SLMAP: variants seen among roughly 807,000 people sequenced by gnomAD.
The protein encoded by SLMAP is sarcolemma associated protein, also known as sarcolemmal membrane-associated protein.
Under a neutral mutation model 128.8 loss-of-function variants are expected in SLMAP, and 44 were observed. The observed-to-expected ratio is 0.34, with a 90% CI of 0.27 to 0.44. The LOEUF is 0.44. Among genes scored for constraint, SLMAP ranks in the 20% least tolerant of loss-of-function variants. SLMAP has a pLI of 1.00. For synonymous variants in SLMAP, 327 were observed against 348.8 expected (o/e 0.94, Z 0.70); for missense variants, 787 against 985.3 (o/e 0.80, Z 2.69).
intron 2 of SLMAP, among the ~76,000 whole-genome samples, chr3:57,794,899 G>A (rs1331899920): frequency 6.6e-6 from 1 of 152,148 alleles, no homozygotes; most frequent in Non-Finnish European, 1.5e-5. Context: ...TTGTGTACAA[G>A]CTTTTGTGTG....
chr3:57,808,286 T>C lies in SLMAP; in HGVS notation c.199-23097T>C, dbSNP rs1268993483. 2.0e-5 allele frequency among the ~76,000 whole-genome samples: 3 copies of C among 152,166 alleles called. No individual in the cohort carries two copies. In the East Asian group the frequency reaches 5.8e-4, roughly 29 times the overall value. The stretch of plus-strand genomic sequence containing the variant: ...GTTCTGCTCTCATCTTAGTTATTTC[T>C]TGTCTTTTGCTAGCTTTTGGATTTG... On this transcript the variant is annotated intron_variant, in intron 2 of 24. Coordinates refer to ENST00000671191, the MANE Select transcript of SLMAP (RefSeq NM_001377540.1).
At chr3:57,818,229 C>T (rs2092115017) in intron 2 of SLMAP, among the ~76,000 whole-genome samples, 1 of 152,142 alleles carries the variant, frequency 6.6e-6, no homozygotes, top group African/African-American at 2.4e-5. Context: ...AATCTTGGCT[C>T]ACTGCAACCT....
chr3:57,892,602 CTATAG>C (rs2096110097), intron 15 of SLMAP, among the ~76,000 whole-genome samples: 1 of 152,076 alleles, frequency 6.6e-6, no homozygotes, highest in African/African-American at 2.4e-5. Flanking sequence ...CTCTATGTAA[CTATAG>C]TATCAGGACA....
At chr3:57,919,639 A>G (rs1380506772) in intron 22 of SLMAP, among the ~76,000 whole-genome samples, 1 of 151,694 alleles carries the variant, frequency 6.6e-6, no homozygotes, top group Non-Finnish European at 1.5e-5. Flanking sequence ...TAATAAAAAT[A>G]CAAAATTAGC....
At chr3:57,784,208 C>T (rs959123269) in intron 2 of SLMAP, among the ~76,000 whole-genome samples, 3 of 152,044 alleles carry the variant, frequency 2.0e-5, no homozygotes, top group Admixed American at 6.5e-5. Flanking sequence ...ATAGGGCCAC[C>T]AGCATATAAC....
At chr3:57,881,175 C>T (rs2095732932) in intron 14 of SLMAP, among the ~76,000 whole-genome samples, 1 of 151,440 alleles carries the variant, frequency 6.6e-6, no homozygotes, top group African/African-American at 2.4e-5. Context: ...GCCTGGATGA[C>T]AGAGCGAGAC....
At position 57,832,325 on chromosome 3, in the gene SLMAP, A is replaced by G. The variant is rs1435635476; in HGVS notation, c.346+795A>G. On this transcript the variant is annotated intron_variant, in intron 3 of 24. Transcript: ENST00000671191. ...GCTCTCTTAGCAAGAAAGAAGATGG[A>G]AAGGTAGTAGAGGTAGGCAGCTAAT... Among the ~76,000 whole-genome samples the G allele has an allele frequency of 2.0e-5, 3 of 152,358 alleles. No individual in the cohort carries two copies. In the East Asian group the frequency reaches 5.8e-4, roughly 29 times the overall value.
At chr3:57,839,432 C>CTTT (rs1176937962) in intron 3 of SLMAP, among the ~76,000 whole-genome samples, 1 of 135,842 alleles carries the variant, frequency 7.4e-6, no homozygotes, top group African/African-American at 2.8e-5. Context: ...TGCATTAGCT[C>CTTT]TATTTTTTTT....
chr3:57,762,999 C>T (rs995652748), intron 2 of SLMAP, among the ~76,000 whole-genome samples: 1 of 152,170 alleles, frequency 6.6e-6, no homozygotes, highest in African/African-American at 2.4e-5. Flanking sequence ...GCTAGGATTA[C>T]AAGTGTGAGC....
At chr3:57,769,255 C>T (rs955883454) in intron 2 of SLMAP, among the ~76,000 whole-genome samples, 2 of 151,880 alleles carry the variant, frequency 1.3e-5, no homozygotes, top group Non-Finnish European at 2.9e-5. Context: ...TGCAGTGGCG[C>T]GATCTTGGCT....
chr3:57,900,039 C>G (rs1329605394), intron 17 of SLMAP: 3 of 152,128 alleles, frequency 2.0e-5, no homozygotes, highest in Non-Finnish European at 4.4e-5. Flanking sequence ...GTTCAATAGA[C>G]TGACATAATT....
chr3:57,833,428 G>GT (rs398105898), intron 3 of SLMAP, among the ~76,000 whole-genome samples: 46,407 of 147,608 alleles, frequency 0.31, 7,405 homozygotes, highest in East Asian at 0.47. Context: ...AGTAACATTA[G>GT]TTTTTTTTTT....
chr3:57,766,165 A>T (rs1329387757), intron 2 of SLMAP, among the ~76,000 whole-genome samples: 4 of 85,688 alleles, frequency 4.7e-5, no homozygotes, highest in Admixed American at 1.6e-4. Context: ...CACCCGGCTA[A>T]TTTTTTTTTT....
At chr3:57,803,495 A>G (rs546117253) in intron 2 of SLMAP, among the ~76,000 whole-genome samples, 1 of 152,364 alleles carries the variant, frequency 6.6e-6, no homozygotes, top group Admixed American at 6.5e-5. Flanking sequence ...ATTGTTGCAA[A>G]GCCATCTAGA....
chr3:57,857,659 T>C, intron 6 of SLMAP, 74 bp from the exon 7 acceptor site: 1 of 947,920 alleles, frequency 1.1e-6, no homozygotes, highest in Non-Finnish European at 1.7e-6. Context: ...TTTTAGAATA[T>C]GCTGAAAATT....
rs2077807192 is a variant in SLMAP, at chr3:57,757,274, A to G, written c.-378A>G. The G allele has an allele frequency of 3.4e-6, 1 of 297,414 alleles. No homozygotes were observed. The highest frequency in any genetic ancestry group is 3.4e-5 in the South Asian group (1 of 29,486). The allele number at this position is 297,414 out of a possible 1,614,324, so 18.4% of individuals were successfully genotyped here. ...GGAAAAGCGGCCGCGATCTCAAACC[A>G]AACACAAGAATTGGCGTGTGACTCA... is the stretch of plus-strand genomic sequence containing the variant. On this transcript the variant is annotated 5_prime_UTR_variant, in exon 2 of 25. Coordinates refer to ENST00000671191, the MANE Select transcript of SLMAP (RefSeq NM_001377540.1).
At chr3:57,758,652 C>T (rs780736454) in intron 2 of SLMAP, among the ~76,000 whole-genome samples, 29 of 152,194 alleles carry the variant, frequency 1.9e-4, no homozygotes, top group Non-Finnish European at 3.8e-4. Context: ...GAATTCAGTG[C>T]TTTTCATTTT....
chr3:57,869,923 T>C (rs1465856167), intron 13 of SLMAP, among the ~76,000 whole-genome samples: 6 of 151,404 alleles, frequency 4.0e-5, no homozygotes, highest in Admixed American at 3.3e-4. Context: ...TAAAAATCCA[T>C]AGGAAACTCA....
At chr3:57,780,183 G>C (rs1429794116) in intron 2 of SLMAP, among the ~76,000 whole-genome samples, 2 of 140,382 alleles carry the variant, frequency 1.4e-5, no homozygotes, top group Admixed American at 7.4e-5. Context: ...GTCTTGCTCT[G>C]TTGCCCATGC....
Sources: allele counts gnomAD v4.1 joint callset (sites outside exome capture counted in the v4.1 genomes callset), GRCh38; gene constraint gnomAD v4.1.1; transcripts MANE v1.5; gene names NCBI Gene and HGNC (gene_info 2026-07-23, HGNC 2026-07-21).